SIRT5: variants seen among roughly 807,000 people sequenced by gnomAD.
SIRT5 encodes sirtuin 5, also known as NAD-dependent protein deacylase sirtuin-5, mitochondrial.
Under a neutral mutation model 40.0 loss-of-function variants are expected in SIRT5, and 26 were observed. The observed-to-expected ratio is 0.65, with a 90% CI of 0.48 to 0.90. The LOEUF is 0.90. SIRT5 is among the 40% of genes least tolerant of loss of function. The pLI is 0.00. For missense variants in SIRT5, 401 were observed against 402.4 expected (o/e 1.00, Z 0.03); for synonymous variants, 146 against 149.1 (o/e 0.98, Z 0.15).
intron 4 of SIRT5, among the ~76,000 whole-genome samples, chr6:13,590,298 C>T (rs1483276378): frequency 6.6e-6 from 1 of 152,162 alleles, no homozygotes; most frequent in Non-Finnish European, 1.5e-5. Flanking sequence ...CCTGCCAGCT[C>T]CCAGCCCCAG....
chr6:13,589,736 G>A (rs544687531), intron 4 of SIRT5, among the ~76,000 whole-genome samples: 3 of 152,244 alleles, frequency 2.0e-5, no homozygotes, highest in East Asian at 3.9e-4. Context: ...GAACATTAGG[G>A]GCCAGCAAGA....
chr6:13,592,018 T>G (rs1353492644), intron 5 of SIRT5, 124 bp downstream of exon 5: 1 of 939,758 alleles, frequency 1.1e-6, no homozygotes, highest in African/African-American at 1.7e-5. Context: ...TATAGGATGC[T>G]GTGGCATTTC....
At chr6:13,596,269 A>G (rs1761557624) in intron 6 of SIRT5, among the ~76,000 whole-genome samples, 1 of 152,196 alleles carries the variant, frequency 6.6e-6, no homozygotes, top group Admixed American at 6.5e-5. Context: ...TATTATTACA[A>G]TGAGGAAAAA....
intron 9 of SIRT5, among the ~76,000 whole-genome samples, chr6:13,602,200 C>T (rs973075200): frequency 3.9e-5 from 6 of 152,174 alleles, no homozygotes; most frequent in Non-Finnish European, 7.3e-5. Flanking sequence ...AACTCAGTCC[C>T]TATCAAAATC....
intron 2 of SIRT5, among the ~76,000 whole-genome samples, chr6:13,581,264 C>G (rs1759310483): frequency 6.6e-6 from 1 of 152,232 alleles, no homozygotes; most frequent in Non-Finnish European, 1.5e-5. Flanking sequence ...TGTCATGTCT[C>G]ATTAGGACCT....
Position 13,599,072 on chromosome 6 carries a change from G to T in SIRT5, c.658G>T (p.Val220Phe). 3 of 1,614,068 alleles carry T rather than the reference G, an allele frequency of 1.9e-6. No individual in the cohort carries two copies. The highest frequency in any genetic ancestry group is 2.5e-6 in the Non-Finnish European group (3 of 1,180,002). The change falls in exon 8 of 10, where the codon GTC (valine) becomes TTC (phenylalanine). Residue 220 changes from valine to phenylalanine, a missense_variant. By Grantham distance (50) the Val-to-Phe change is conservative (BLOSUM62 -1). Transcript: ENST00000606117. ...CTGCGGGGGCTTGCTGCGACCTCAC[G>T]TCGTGTGGTTTGGAGAAAACCTGGA... The part of the protein sequence containing the change: ...AGCGGLLRPH[V>F]VWFGENLDPA...
chr6:13,591,583 C>T (rs1166406190), intron 4 of SIRT5, 86 bp from the exon 5 acceptor site: 15 of 1,167,984 alleles, frequency 1.3e-5, no homozygotes, highest in Admixed American at 1.1e-4. Context: ...CCTGTCTCTG[C>T]CTTAGGGAGG....
At chr6:13,584,647 C>T (rs1337309937) in intron 3 of SIRT5, among the ~76,000 whole-genome samples, 1 of 152,228 alleles carries the variant, frequency 6.6e-6, no homozygotes, top group African/African-American at 2.4e-5. Flanking sequence ...CCGCGCCCAC[C>T]TGTCCTCTTC....
chr6:13,604,493 C>T, intron 9 of SIRT5: 2 of 1,570,672 alleles, frequency 1.3e-6, no homozygotes, highest in Non-Finnish European at 1.7e-6. Context: ...ATCTCCATCT[C>T]ATCTCTAATT....
At position 13,596,968 on chromosome 6, in the gene SIRT5, C is replaced by T; in HGVS notation, c.569C>T (p.Pro190Leu). ...ICPALSGKGA[P>L]EPGTQDASIP... Reference sequence around the variant, plus strand: ...TCTAATATTATTTACTTCAGTGCTCCAGAACCTGGAACTCAAGATGCCAGC... The same window carrying T: ...TCTAATATTATTTACTTCAGTGCTCTAGAACCTGGAACTCAAGATGCCAGC... The change falls in exon 7 of 10, where the codon CCA becomes CTA. Residue 190 changes from proline to leucine, a missense_variant. Transcript: ENST00000606117. 6.2e-7 allele frequency: 1 copy of T among 1,610,018 alleles called. No individual in the cohort carries two copies. The highest frequency in any genetic ancestry group is 2.2e-5 in the East Asian group (1 of 44,818).
intron 5 of SIRT5, among the ~76,000 whole-genome samples, chr6:13,592,435 T>A (rs1297971283): frequency 6.6e-6 from 1 of 152,220 alleles, no homozygotes; most frequent in Non-Finnish European, 1.5e-5. Flanking sequence ...TGGGGTCTCC[T>A]GTCACTCCCC....
In SIRT5 at chr6:13,612,632, A is replaced by G. The variant is rs1257615676; in HGVS notation, c.*767A>G. The G allele has an allele frequency of 1.3e-5, 2 of 152,160 alleles. No individual in the cohort carries two copies. Among genetic ancestry groups the G allele is most frequent in the African/African-American group, 4.8e-5 (2 of 41,410 alleles). 9.4% of individuals were successfully genotyped at this position (152,160 alleles called of 1,614,324 possible). ...TGAGATTACGGGCATGAGCCACCGC[A>G]CCCGGCTTACTGGGGGCTTTTTAAC... On this transcript the variant is annotated 3_prime_UTR_variant, in exon 10 of 10. Coordinates refer to ENST00000606117, the MANE Select transcript of SIRT5 (RefSeq NM_012241.5).
At chr6:13,575,563 AATTT>A (rs1028305484) in intron 1 of SIRT5, among the ~76,000 whole-genome samples, 3 of 151,668 alleles carry the variant, frequency 2.0e-5, no homozygotes, top group Non-Finnish European at 4.4e-5. Context: ...TTTATTGACA[AATTT>A]ATATATTTAT....
At chr6:13,575,089 A>C (rs1388784189) in intron 1 of SIRT5, among the ~76,000 whole-genome samples, 1 of 152,096 alleles carries the variant, frequency 6.6e-6, no homozygotes, top group Non-Finnish European at 1.5e-5. Flanking sequence ...CACGAGTAGT[A>C]GCCGGGAGGA....
At chr6:13,575,290 C>T (rs1022722997) in intron 1 of SIRT5, among the ~76,000 whole-genome samples, 5 of 151,960 alleles carry the variant, frequency 3.3e-5, no homozygotes, top group African/African-American at 1.2e-4. Context: ...GGGTGGCGCC[C>T]GGAAGCCCGG....
intron 2 of SIRT5, among the ~76,000 whole-genome samples, chr6:13,581,482 T>C (rs1022895693): frequency 1.3e-5 from 2 of 152,220 alleles, no homozygotes; most frequent in African/African-American, 4.8e-5. Flanking sequence ...CCATGTCTTA[T>C]TACTGGTGAT....
upstream of SIRT5, chr6:13,574,526 G>C (rs1278668993): frequency 6.6e-6 from 1 of 152,178 alleles, no homozygotes; most frequent in African/African-American, 2.4e-5. Context: ...GTTGGAGGAA[G>C]GGATGTGGGG....
chr6:13,610,785 G>A (rs912829534), intron 9 of SIRT5, among the ~76,000 whole-genome samples: 1 of 152,146 alleles, frequency 6.6e-6, no homozygotes, highest in African/African-American at 2.4e-5. Flanking sequence ...GAGATGCCGT[G>A]TAGTCTGGGC....
intron 8 of SIRT5, among the ~76,000 whole-genome samples, chr6:13,600,262 C>T (rs1208024698): frequency 2.6e-5 from 4 of 152,162 alleles, no homozygotes; most frequent in Non-Finnish European, 4.4e-5. Context: ...AAGAATGCTT[C>T]CCAGTGTTGA....
Sources: gnomAD v4.1 joint callset for allele counts (sites outside exome capture counted in the v4.1 genomes callset) on GRCh38, gnomAD v4.1.1 for gene constraint, MANE v1.5 for transcripts, NCBI Gene and HGNC (gene_info 2026-07-23, HGNC 2026-07-21) for gene names.